CEACAM21: variants seen among roughly 807,000 people sequenced by gnomAD.
CEACAM21 encodes the protein CEA cell adhesion molecule 21.
CEACAM21 carries 38 observed loss-of-function variants against 33.2 expected under a neutral mutation model. That is an observed-to-expected ratio of 1.14 (90% CI 0.88 to 1.50). The LOEUF (loss-of-function observed/expected upper bound fraction) is 1.50, where lower values mean the gene tolerates loss of function less well. Ranked by LOEUF, CEACAM21 falls within the 40% of genes most tolerant of loss-of-function variation. CEACAM21 has a pLI of 0.00. For missense variants in CEACAM21, 385 were observed against 364.6 expected, an observed-to-expected ratio of 1.06 and a Z score of -0.46; for synonymous variants, 156 against 143.0, an observed-to-expected ratio of 1.09 and a Z score of -0.65.
rs543479353 is a variant in CEACAM21, at chr19:41,576,614, C to T, written c.64+276C>T. Among the ~76,000 whole-genome samples the T allele has an allele frequency of 1.4e-4, 22 of 152,306 alleles. No homozygotes were observed. In the South Asian group the frequency reaches 4.6e-3, roughly 32 times the overall value. On this transcript the variant is annotated intron_variant, in intron 1 of 6. Transcript: ENST00000401445. ...ATCACAGTGACAATTTAAATAAAAA[C>T]ACCACCAGGGCATGAAACTCTGTCT...
At chr19:41,554,074 C>T (rs914385239) in intron 1 of CEACAM21, among the ~76,000 whole-genome samples, 1 of 151,976 alleles carries the variant, frequency 6.6e-6, no homozygotes, top group Non-Finnish European at 1.5e-5. Context: ...AAAAGCAAAA[C>T]AAAGGATCAG....
chr19:41,558,501 G>A (rs1555786051), intron 1 of CEACAM21, among the ~76,000 whole-genome samples: 1 of 152,106 alleles, frequency 6.6e-6, no homozygotes, highest in Non-Finnish European at 1.5e-5. Context: ...CAAAATATTA[G>A]CCTTGCTTGG....
At chr19:41,584,468 C>T (rs782818774) in intron 4 of CEACAM21, 25 bp downstream of exon 4, 4 of 1,581,888 alleles carry the variant, frequency 2.5e-6, no homozygotes, top group Admixed American at 3.6e-5. Flanking sequence ...CCCCATTCTG[C>T]TCCCATCCTT....
At chr19:41,578,050 C>T (rs1217536757) in intron 2 of CEACAM21, among the ~76,000 whole-genome samples, 1 of 152,186 alleles carries the variant, frequency 6.6e-6, no homozygotes, top group Non-Finnish European at 1.5e-5. Context: ...CCAGCTGTCC[C>T]AGGGCCGTGG....
chr19:41,571,507 A>G (rs2042611920), upstream of CEACAM21, among the ~76,000 whole-genome samples: 1 of 152,220 alleles, frequency 6.6e-6, no homozygotes, highest in African/African-American at 2.4e-5. Context: ...ACCCCAAGGC[A>G]CCAGATAGTC....
Position 41,564,284 on chromosome 19 carries a change from A to G in CEACAM21, c.-778-398A>G, listed in dbSNP as rs532666613. Among the ~76,000 whole-genome samples the G allele has an allele frequency of 1.7e-3, 263 of 152,158 alleles. 3 individuals carry two copies. Among genetic ancestry groups the G allele is most frequent in the Non-Finnish European group, 2.8e-3 (188 of 67,996 alleles). Reference sequence around the variant, plus strand: ...AGAAAGATCCTAAGGCCCCGCTTTCACCTTCTGAATTCCTGCCGCAAATAA... The same window carrying G: ...AGAAAGATCCTAAGGCCCCGCTTTCGCCTTCTGAATTCCTGCCGCAAATAA... On this transcript the variant is annotated intron_variant, in intron 1 of 7. Coordinates refer to the CEACAM21 transcript ENST00000407170.
At chr19:41,556,941 G>T (rs1482572129) in intron 1 of CEACAM21, among the ~76,000 whole-genome samples, 2 of 152,100 alleles carry the variant, frequency 1.3e-5, no homozygotes, top group African/African-American at 2.4e-5. Flanking sequence ...TTAGAATAAA[G>T]GAATCTAAAA....
intron 1 of CEACAM21, chr19:41,552,302 GA>G: frequency 6.6e-6 from 1 of 152,200 alleles, no homozygotes; most frequent in South Asian, 2.1e-4. Flanking sequence ...GGTTCCTTTA[GA>G]CCCCCAATGA....
rs1555791396 is a variant in CEACAM21, at chr19:41,577,213, T to C, written c.78T>C (p.Thr26=). 3.7e-6 allele frequency: 6 copies of C among 1,614,126 alleles called. No individual in the cohort carries two copies. In the East Asian group the frequency reaches 1.3e-4, roughly 36 times the overall value. Residue 26 remains threonine, a synonymous_variant, in exon 2 of 7, where the codon ACT becomes ACC. Coordinates refer to ENST00000401445, the MANE Select transcript of CEACAM21 (RefSeq NM_001098506.4). ...QGLLLTASLL[T]FWNAPTTAWL... ...TCCCTTTCCTAGCCTCACTTTTAAC[T>C]TTCTGGAACGCACCCACCACTGCCT... is the stretch of plus-strand genomic sequence containing the variant.
chr19:41,552,739 A>T (rs1158463624), intron 1 of CEACAM21, among the ~76,000 whole-genome samples: 1 of 152,152 alleles, frequency 6.6e-6, no homozygotes, highest in Non-Finnish European at 1.5e-5. Flanking sequence ...GAGTGGAAAA[A>T]GTCGATTTGT....
chr19:41,573,385 G>A (rs115726999), upstream of CEACAM21, among the ~76,000 whole-genome samples: 3,631 of 152,212 alleles, frequency 0.024, 158 homozygotes, highest in African/African-American at 0.083. Context: ...GACCCTTACA[G>A]TCAGGCCTTC....
intron 2 of CEACAM21, among the ~76,000 whole-genome samples, chr19:41,565,830 T>C (rs2042224045): frequency 6.6e-6 from 1 of 151,982 alleles, no homozygotes; most frequent in African/African-American, 2.4e-5. Context: ...AGGTGACTAA[T>C]AAATAAAAAT....
rs185856976 is a variant in CEACAM21 at position 41,550,046 on chromosome 19, T to C, written c.-779+494T>C. On this transcript the variant is annotated intron_variant, in intron 1 of 7. Transcript: ENST00000407170. ...TTAATGACGAGTGCGATGAGAAGCA[T>C]AATGACAATGATTAACTTGATAATT... 2.6e-5 allele frequency: 4 copies of C among 152,312 alleles called. No homozygotes were observed. The East Asian group carries it at 5.8e-4, about 22-fold the overall frequency. 9.4% of individuals were successfully genotyped at this position (152,312 alleles called of 1,614,324 possible).
Position 41,585,510 on chromosome 19 carries a change from A to T in CEACAM21, c.850+15A>T. The T allele has an allele frequency of 6.2e-7, 1 of 1,613,640 alleles. No homozygotes were observed. The highest frequency in any genetic ancestry group is 8.5e-7 in the Non-Finnish European group (1 of 1,179,676). On this transcript the variant is annotated intron_variant, in intron 5 of 6. Transcript: ENST00000401445. Reference sequence around the variant, plus strand: ...CTCCACCCCCGGTGAGTGTCCCTTCAGTCTGGGTGTGGCTGGGAACTACTA... The same window carrying T: ...CTCCACCCCCGGTGAGTGTCCCTTCTGTCTGGGTGTGGCTGGGAACTACTA...
chr19:41,577,313 G>A lies in CEACAM21; in HGVS notation c.178G>A (p.Glu60Lys), dbSNP rs546700634. The A allele has an allele frequency of 6.1e-5, 99 of 1,614,084 alleles. No homozygotes were observed. The highest frequency in any genetic ancestry group is 1.5e-4 in the African/African-American group (11 of 75,016). The change falls in exon 2 of 7, where the codon GAG (glutamate) becomes AAG (lysine). Residue 60 changes from glutamate (E) to lysine (K), a missense_variant. Glu to Lys is a moderately conservative substitution (Grantham distance 56, BLOSUM62 1). Transcript: ENST00000401445. ...TCATCTCTCTGTGGTTTATCTGCCCGAGAATCTTTACAGCTATGGCTGGTA... is the reference window on the plus strand; with the variant it reads ...TCATCTCTCTGTGGTTTATCTGCCCAAGAATCTTTACAGCTATGGCTGGTA... ...NVHLSVVYLP[E>K]NLYSYGWYKG...
At chr19:41,567,931 C>G (rs1273157513) in intron 2 of CEACAM21, among the ~76,000 whole-genome samples, 1 of 151,624 alleles carries the variant, frequency 6.6e-6, no homozygotes, top group African/African-American at 2.4e-5. Context: ...ACTTTCCAGA[C>G]CCTGCATCAT....
At chr19:41,584,293 A>T in intron 3 of CEACAM21, 54 bp from the exon 4 acceptor site, 1 of 1,499,746 alleles carries the variant, frequency 6.7e-7, no homozygotes. Flanking sequence ...AAGGCCCCTC[A>T]TGGTTCCCCC....
At chr19:41,571,090 G>A (rs2042583454) in intron 2 of CEACAM21, among the ~76,000 whole-genome samples, 2 of 151,264 alleles carry the variant, frequency 1.3e-5, no homozygotes, top group South Asian at 4.1e-4. Flanking sequence ...CCCACTCAAT[G>A]CCAGCAGGAC....
intron 1 of CEACAM21, among the ~76,000 whole-genome samples, chr19:41,562,358 C>CAT (rs2041942250): frequency 6.6e-6 from 1 of 151,266 alleles, no homozygotes; most frequent in African/African-American, 2.4e-5. Context: ...ATGTGCAGCA[C>CAT]ATACAGTTGA....
Sources: allele counts gnomAD v4.1 joint callset (sites outside exome capture counted in the v4.1 genomes callset), GRCh38; gene constraint gnomAD v4.1.1; transcripts MANE v1.5; gene names NCBI Gene and HGNC (gene_info 2026-07-23, HGNC 2026-07-21).